NSMF: variants seen among roughly 807,000 people sequenced by gnomAD.
The protein encoded by NSMF is nasal embryonic LHRH factor.
NSMF carries 31 observed loss-of-function variants against 71.0 expected under a neutral mutation model. The ratio of observed to expected loss-of-function variants is 0.44; its 90% CI spans 0.33 to 0.59. The LOEUF is 0.59. Ranked by LOEUF, NSMF falls within the 20% of genes least tolerant of loss-of-function variation. NSMF has a pLI of 0.04. For synonymous variants in NSMF, 345 were observed against 287.1 expected, an observed-to-expected ratio of 1.20 and a Z score of -2.04; for missense variants, 673 against 740.5, an observed-to-expected ratio of 0.91 and a Z score of 1.06.
In NSMF at chr9:137,457,723, G is replaced by C; in HGVS notation, c.312C>G (p.Ile104Met). 6.4e-7 allele frequency: 1 copy of C among 1,556,116 alleles called. No homozygotes were observed. The highest frequency in any genetic ancestry group is 8.7e-7 in the Non-Finnish European group (1 of 1,150,050). ...TGGGCAGCAGGGCAGGCTCCCCAGA[G>C]ATGGTGTACACTCGAGGCTGAGGGC... The part of the protein sequence containing the change: ...GEGPQPRVYT[I>M]SGEPALLPSP... Residue 104 changes from isoleucine to methionine, a missense_variant, in exon 3 of 16, where the codon ATC becomes ATG. Physicochemically the swap from Ile to Met is conservative, Grantham distance 10. Coordinates refer to ENST00000371475, the MANE Select transcript of NSMF (RefSeq NM_001130969.3).
rs1421907684 is a variant in NSMF at position 137,455,306 on chromosome 9, C to G, written c.712G>C (p.Val238Leu). Residue 238 changes from valine to leucine, a missense_variant and splice_region_variant, in exon 6 of 16, where the codon GTG (valine) becomes CTG (leucine). Val to Leu is a conservative substitution (Grantham distance 32). Transcript: ENST00000371475. Reference sequence around the variant, plus strand: ...TTCCTCTCCGCGTAGCCCCTGAACACCCTGGGAAACCACCGCGAGTCAGCA... The same window carrying G: ...TTCCTCTCCGCGTAGCCCCTGAACAGCCTGGGAAACCACCGCGAGTCAGCA... ...TATTTMQAIS[V>L]FRGYAERKRR... 6.2e-7 allele frequency: 1 copy of G among 1,612,642 alleles called. No homozygotes were observed. Among genetic ancestry groups the G allele is most frequent in the Non-Finnish European group, 8.5e-7 (1 of 1,179,922 alleles).
At chr9:137,456,364 A>G in intron 4 of NSMF, 47 bp downstream of exon 4, 1 of 1,466,978 alleles carries the variant, frequency 6.8e-7, no homozygotes, top group Non-Finnish European at 9.6e-7. Context: ...TGAGCAGCAG[A>G]AAGAGACCAC....
Position 137,453,897 on chromosome 9 carries a change from A to C in NSMF, c.833-77T>G. ...GTCTCAGACCCCAGGCGAGGGGACC[A>C]CAGGGGCCCTGGGCAGAGGAGGAAG... On this transcript the variant is annotated intron_variant, in intron 7 of 15. Coordinates refer to ENST00000371475, the MANE Select transcript of NSMF (RefSeq NM_001130969.3). This position sits in a 1 kb window ranked among gnomAD's most constrained non-coding sequence, Gnocchi z 4.5. 8.0e-7 allele frequency: 1 copy of C among 1,256,222 alleles called. No individual in the cohort carries two copies. The highest frequency in any genetic ancestry group is 1.1e-6 in the Non-Finnish European group (1 of 894,178). The allele number at this position is 1,256,222 out of a possible 1,614,324, so 77.8% of individuals were successfully genotyped here.
Position 137,453,873 on chromosome 9 carries a change from T to C in NSMF, c.833-53A>G. The C allele has an allele frequency of 1.4e-6, 2 of 1,472,766 alleles. No individual in the cohort carries two copies. Among genetic ancestry groups the C allele is most frequent in the Non-Finnish European group, 1.8e-6 (2 of 1,090,682 alleles). The allele number at this position is 1,472,766 out of a possible 1,614,324, so 91.2% of individuals were successfully genotyped here. A position where few individuals can be genotyped will look rare whatever the true frequency, so the allele number is the denominator to read the frequency against. ...AGCGGGTGGGGCGGGGCCTCGGGAG[T>C]CTCAGACCCCAGGCGAGGGGACCAC... On this transcript the variant is annotated intron_variant, in intron 7 of 15. Transcript: ENST00000371475. This position sits in a 1 kb window ranked among gnomAD's most constrained non-coding sequence, Gnocchi z 4.5.
intron 6 of NSMF, chr9:137,454,924 G>T (rs1830755270): frequency 2.9e-6 from 2 of 696,754 alleles, no homozygotes; most frequent in East Asian, 3.2e-5. Context: ...TTTGGACCCT[G>T]CCAAGGCCCA....
At position 137,453,427 on chromosome 9, in the gene NSMF, C is replaced by G. The variant is rs1830648330; in HGVS notation, c.923-247G>C. 3.3e-6 allele frequency: 2 copies of G among 614,982 alleles called. No homozygotes were observed. Among genetic ancestry groups the G allele is most frequent in the African/African-American group, 3.7e-5 (2 of 54,000 alleles). The allele number at this position is 614,982 out of a possible 1,614,324, so 38.1% of individuals were successfully genotyped here. A position where few individuals can be genotyped will look rare whatever the true frequency, so the allele number is the denominator to read the frequency against. Reference sequence around the variant, plus strand: ...AGGCGCGTGCAGGCATCAGCTCCAGCCAAGTCCGCCGGGCGCCTGGGAGGG... The same window carrying G: ...AGGCGCGTGCAGGCATCAGCTCCAGGCAAGTCCGCCGGGCGCCTGGGAGGG... On this transcript the variant is annotated intron_variant, in intron 8 of 15. Transcript: ENST00000371475. This position sits in a 1 kb window ranked among gnomAD's most constrained non-coding sequence, Gnocchi z 4.5.
chr9:137,449,588 G>C lies in NSMF; in HGVS notation c.1495+11C>G. ...TGGCTGCAGAGCTTCGGCCCAGCCTGGGTAACTCACCTTGGGCTGAGAGCT... is the reference window on the plus strand; with the variant it reads ...TGGCTGCAGAGCTTCGGCCCAGCCTCGGTAACTCACCTTGGGCTGAGAGCT... On this transcript the variant is annotated intron_variant, in intron 15 of 15. Transcript: ENST00000371475. 2.5e-6 allele frequency: 4 copies of C among 1,611,930 alleles called. No homozygotes were observed. Among genetic ancestry groups the C allele is most frequent in the Non-Finnish European group, 3.4e-6 (4 of 1,179,434 alleles).
intron 6 of NSMF, 26 bp from the exon 7 acceptor site, chr9:137,454,469 G>A: frequency 1.3e-6 from 2 of 1,550,140 alleles, no homozygotes; most frequent in African/African-American, 1.4e-5. Flanking sequence ...AGGGGCTGAA[G>A]AGGGCCGTGA....
At position 137,453,353 on chromosome 9, in the gene NSMF, G is replaced by A; in HGVS notation, c.923-173C>T. Reference sequence around the variant, plus strand: ...GCAGGACAGGCCTGTGGACACCACTGGGCAGCGGCCTGATGTGGGAAGGGA... The same window carrying A: ...GCAGGACAGGCCTGTGGACACCACTAGGCAGCGGCCTGATGTGGGAAGGGA... On this transcript the variant is annotated intron_variant, in intron 8 of 15. Coordinates refer to ENST00000371475, the MANE Select transcript of NSMF (RefSeq NM_001130969.3). This position sits in a 1 kb window ranked among gnomAD's most constrained non-coding sequence, Gnocchi z 4.5. 1.2e-6 allele frequency: 1 copy of A among 861,230 alleles called. No individual in the cohort carries two copies. Among genetic ancestry groups the A allele is most frequent in the Non-Finnish European group, 1.8e-6 (1 of 558,616 alleles). 53.3% of individuals were successfully genotyped at this position (861,230 alleles called of 1,614,324 possible).
rs1219623259 is a variant in NSMF at position 137,453,537 on chromosome 9, G to A, written c.922+194C>T. On this transcript the variant is annotated intron_variant, in intron 8 of 15. Coordinates refer to ENST00000371475, the MANE Select transcript of NSMF (RefSeq NM_001130969.3). The surrounding 1 kb of genome is among the most constrained non-coding windows in gnomAD (Gnocchi z 4.5). ...ACGGCCCTACAGGCGCCCCCGGCCA[G>A]CACTGCCGCGGCCGTTGTTAGCCCC... is the stretch of plus-strand genomic sequence containing the variant. 1 of 611,750 alleles carries A rather than the reference G, an allele frequency of 1.6e-6. No individual in the cohort carries two copies. The highest frequency in any genetic ancestry group is 2.9e-6 in the Non-Finnish European group (1 of 349,870). 37.9% of individuals were successfully genotyped at this position (611,750 alleles called of 1,614,324 possible).
Position 137,456,404 on chromosome 9 carries a change from G to C in NSMF, c.704+7C>G, listed in dbSNP as rs1830837551. ...CCCTGACCCCAAGTCGTGGGCACAA[G>C]ACTCACGCTTGCATAGTTGTGGTTG... On this transcript the variant is annotated splice_region_variant and intron_variant, in intron 4 of 15. Transcript: ENST00000371475. 2 of 1,610,282 alleles carry C rather than the reference G, an allele frequency of 1.2e-6. No homozygotes were observed.
chr9:137,457,790 C>A lies in NSMF; in HGVS notation c.245G>T (p.Ser82Ile). 1 of 1,558,682 alleles carries A rather than the reference C, an allele frequency of 6.4e-7. No homozygotes were observed. The highest frequency in any genetic ancestry group is 2.4e-5 in the East Asian group (1 of 42,082). The change falls in exon 3 of 16, where the codon AGC (serine) becomes ATC (isoleucine). Residue 82 changes from serine (S) to isoleucine (I), a missense_variant. Physicochemically the swap from Ser to Ile is moderately radical, Grantham distance 142 (BLOSUM62 -2). Coordinates refer to ENST00000371475, the MANE Select transcript of NSMF (RefSeq NM_001130969.3). ...SLVSNGCYEG[S>I]LSEEPSIRKP... ...CCTAATGCTGGGCTCCTCTGAGAGGCTGCCCTCGTAGCAGCCGTTGGAGAC... is the reference window on the plus strand; with the variant it reads ...CCTAATGCTGGGCTCCTCTGAGAGGATGCCCTCGTAGCAGCCGTTGGAGAC...
chr9:137,450,241 G>A lies in NSMF; in HGVS notation c.1251C>T (p.His417=), dbSNP rs1339236642. The A allele has an allele frequency of 6.8e-6, 11 of 1,613,348 alleles. No homozygotes were observed. The highest frequency in any genetic ancestry group is 4.5e-5 in the East Asian group (2 of 44,868). ...MLIFCQGGPG[H]LYLLKNKVAT... Reference sequence around the variant, plus strand: ...CCACCTTGTTCTTGAGGAGATAGAGGTGTCCAGGACCTCCCTGTAAGAAGC... The same window carrying A: ...CCACCTTGTTCTTGAGGAGATAGAGATGTCCAGGACCTCCCTGTAAGAAGC... The change falls in exon 13 of 16, where the codon CAC becomes CAT. Residue 417 remains histidine (H), a synonymous_variant. Transcript: ENST00000371475.
Position 137,453,015 on chromosome 9 carries a change from T to C in NSMF, c.1047+41A>G. The C allele has an allele frequency of 1.2e-6, 2 of 1,610,506 alleles. No homozygotes were observed. The highest frequency in any genetic ancestry group is 1.7e-6 in the Non-Finnish European group (2 of 1,179,818). On this transcript the variant is annotated intron_variant, in intron 9 of 15. Transcript: ENST00000371475. The surrounding 1 kb of genome is among the most constrained non-coding windows in gnomAD (Gnocchi z 4.5). ...CTGGACTCGGGTTGGGGCGGAGTCC[T>C]GCTCGGGGTGTAGAGGAGCACTGCC...
chr9:137,457,267 G>C, intron 3 of NSMF, 140 bp downstream of exon 3: 2 of 1,246,778 alleles, frequency 1.6e-6, no homozygotes, highest in South Asian at 2.5e-5. Flanking sequence ...GAAGCCTGCC[G>C]GTTTTAATCT....
At position 137,449,730 on chromosome 9, in the gene NSMF, G is replaced by A. The variant is rs866094660; in HGVS notation, c.1420-56C>T. 62 of 1,495,272 alleles carry A rather than the reference G, an allele frequency of 4.1e-5. 1 individual carries two copies. The Middle Eastern group carries it at 4.6e-3, about 110-fold the overall frequency. The allele number at this position is 1,495,272 out of a possible 1,614,324, so 92.6% of individuals were successfully genotyped here. ...GCAGAGAGATGGGGAAGGAGGAGCG[G>A]GGAGGAGATGGGGAGCAGGGCCCAC... is the stretch of plus-strand genomic sequence containing the variant. On this transcript the variant is annotated intron_variant, in intron 14 of 15. Coordinates refer to ENST00000371475, the MANE Select transcript of NSMF (RefSeq NM_001130969.3).
chr9:137,456,036 G>C (rs545573281), intron 4 of NSMF, among the ~76,000 whole-genome samples: 1 of 152,364 alleles, frequency 6.6e-6, no homozygotes, highest in East Asian at 1.9e-4. Context: ...CCCTGAAACT[G>C]TGATGACCTA....
chr9:137,450,189 C>G lies in NSMF; in HGVS notation c.1303G>C (p.Glu435Gln). Residue 435 changes from glutamate to glutamine, a missense_variant, in exon 13 of 16, where the codon GAG (glutamate) becomes CAG (glutamine). This residue lies in a region of NSMF where 202 missense variants were observed against 280.8 expected (regional missense o/e 0.72). Transcript: ENST00000371475. ...VATFAKVEKEEDMIHFWKRLS... is the reference protein window; with the variant it reads ...VATFAKVEKEQDMIHFWKRLS... ...CCGGCTTCTCACTGAATCATGTCCT[C>G]TTCCTTCTCCACTTTGGCAAAGGTG... 6.2e-7 allele frequency: 1 copy of G among 1,613,434 alleles called. No individual in the cohort carries two copies.
At chr9:137,458,723 G>A (rs1034272790) in intron 1 of NSMF, among the ~76,000 whole-genome samples, 174 bp from the exon 2 acceptor site, 10 of 152,252 alleles carry the variant, frequency 6.6e-5, no homozygotes, top group African/African-American at 4.8e-5. Context: ...CCCTGGCCAG[G>A]CCTGCAGGCC....
Sources: gnomAD v4.1 joint callset for allele counts (sites outside exome capture counted in the v4.1 genomes callset) on GRCh38, gnomAD v4.1.1 for gene constraint, gnomAD v4.1.1 regional missense constraint, Gnocchi (gnomAD v3.1) non-coding constraint, MANE v1.5 for transcripts, NCBI Gene and HGNC (gene_info 2026-07-23, HGNC 2026-07-21) for gene names.